Variants in F12 observed in about 807,000 individuals in gnomAD.
The protein encoded by F12 is Hageman factor.
Under a neutral mutation model 74.8 loss-of-function variants are expected in F12, and 70 were observed. That is an observed-to-expected ratio of 0.94 (90% CI 0.77 to 1.14). F12 has a LOEUF of 1.14. F12 is among the 50% of genes most tolerant of loss of function. The pLI, the probability that F12 is intolerant of heterozygous loss-of-function variation, is 0.00. For missense variants in F12, 811 were observed against 835.7 expected (o/e 0.97, Z 0.36); for synonymous variants, 373 against 356.4 (o/e 1.05, Z -0.52).
chr5:177,403,805 G>A, intron 10 of F12, 54 bp downstream of exon 10: 1 of 1,466,888 alleles, frequency 6.8e-7, no homozygotes, highest in South Asian at 1.3e-5. Flanking sequence ...AAGCTGCGCT[G>A]GGAGACGGAG....
rs749593480 is a variant in F12, at chr5:177,405,800, G to A, written c.221C>T (p.Ala74Val). ...GTCCTGATCAAAGTTGGGGGTGGTA[G>A]CACACCTGTAGAAAGAGACAAGGCT... ...KGRPGPQPWC[A>V]TTPNFDQDQR... Residue 74 changes from alanine (A) to valine (V), a missense_variant, in exon 4 of 14, where the codon GCT (alanine) becomes GTT (valine). Transcript: ENST00000253496. 1 of 1,614,152 alleles carries A rather than the reference G, an allele frequency of 6.2e-7. No individual in the cohort carries two copies. Among genetic ancestry groups the A allele is most frequent in the Non-Finnish European group, 8.5e-7 (1 of 1,180,030 alleles).
intron 12 of F12, 68 bp downstream of exon 12, chr5:177,403,186 G>A: frequency 6.3e-7 from 1 of 1,587,860 alleles, no homozygotes; most frequent in Non-Finnish European, 8.5e-7. Flanking sequence ...AAAGTCGCGG[G>A]CTTCTTCCGC....
intron 4 of F12, 52 bp from the exon 5 acceptor site, chr5:177,405,485 G>A (rs748587002): frequency 2.5e-5 from 39 of 1,544,420 alleles, no homozygotes; most frequent in Non-Finnish European, 3.5e-5. Flanking sequence ...TCACACAGCT[G>A]GGGGCCAAGG....
At position 177,405,410 on chromosome 5, in the gene F12, AG is replaced by A. The variant is rs778208227; in HGVS notation, c.309del (p.Cys104AlafsTer8). 1.2e-5 allele frequency: 20 copies of A among 1,613,810 alleles called. No homozygotes were observed. Among genetic ancestry groups the A allele is most frequent in the Non-Finnish European group, 1.5e-5 (18 of 1,179,958 alleles). ...TTCACACAGGTCCCTCCTTTCTGGC[AG>A]GGGCTGTGTTTGCTGCAGTGGTCTG... The part of the protein sequence containing the change: ...KVKDHCSKHS[P>X]CQKGGTCVNM... On this transcript the variant is annotated frameshift_variant, in exon 5 of 14. Transcript: ENST00000253496. LOFTEE classifies it high-confidence loss of function.
At chr5:177,406,862 G>C (rs1016241616) in intron 2 of F12, among the ~76,000 whole-genome samples, 1 of 152,248 alleles carries the variant, frequency 6.6e-6, no homozygotes, top group Non-Finnish European at 1.5e-5. Context: ...CACATTCCCA[G>C]TTAAGGTTCA....
In F12 at chr5:177,403,859, C is replaced by T. The variant is rs932430490; in HGVS notation, c.1250G>A (p.Arg417Gln). ...CGGCTCTGGGCGGGCGGGTACTCGCCGGTCCTGCAGGCAGTGAGCGGCCGT... is the reference window on the plus strand; with the variant it reads ...CGGCTCTGGGCGGGCGGGTACTCGCTGGTCCTGCAGGCAGTGAGCGGCCGT... ...VLTAAHCLQD[R>Q]PAPEDLTVVL... The change falls in exon 10 of 14, where the codon CGG (arginine) becomes CAG (glutamine). Residue 417 changes from arginine to glutamine, a missense_variant and splice_region_variant. Physicochemically the swap from Arg to Gln is conservative, Grantham distance 43 (BLOSUM62 1). Coordinates refer to ENST00000253496, the MANE Select transcript of F12 (RefSeq NM_000505.4). The T allele has an allele frequency of 3.3e-6, 5 of 1,532,360 alleles. No individual in the cohort carries two copies. The highest frequency in any genetic ancestry group is 4.4e-6 in the Non-Finnish European group (5 of 1,140,668). The allele number at this position is 1,532,360 out of a possible 1,614,324, so 94.9% of individuals were successfully genotyped here.
chr5:177,402,300 C>T lies in F12; in HGVS notation c.1840G>A (p.Val614Ile), dbSNP rs202087249. 5.0e-6 allele frequency: 8 copies of T among 1,613,712 alleles called. No individual in the cohort carries two copies. Among genetic ancestry groups the T allele is most frequent in the Non-Finnish European group, 6.8e-6 (8 of 1,179,974 alleles). The change falls in exon 14 of 14, where the codon GTT becomes ATT. Residue 614 changes from valine (V) to isoleucine (I), a missense_variant. By Grantham distance (29) the Val-to-Ile change is conservative. Coordinates refer to ENST00000253496, the MANE Select transcript of F12 (RefSeq NM_000505.4). ...GATGAGTCCCTGAGCAATCAGGAAA[C>T]GGTGTGCTCCCGGATCCAGGCCAGG... ...YYLAWIREHT[V>I]S
rs1302125741 is a variant in F12, at chr5:177,403,484, G to A, written c.1384C>T (p.Leu462=). ...AFSPVSYQHD[L]ALLRLQEDAD... Reference sequence around the variant, plus strand: ...CCCGCGGGGCGCCCCCACGCACCCAGGTCGTGCTGGTAGCTGACGGGCGAG... The same window carrying A: ...CCCGCGGGGCGCCCCCACGCACCCAAGTCGTGCTGGTAGCTGACGGGCGAG... Residue 462 remains leucine (L), a synonymous_variant, in exon 11 of 14, where the codon CTG becomes TTG. Transcript: ENST00000253496. 6.4e-7 allele frequency: 1 copy of A among 1,562,262 alleles called. No individual in the cohort carries two copies. The highest frequency in any genetic ancestry group is 1.4e-5 in the African/African-American group (1 of 73,960).
chr5:177,404,307 G>A lies in F12; in HGVS notation c.907C>T (p.Pro303Ser), dbSNP rs1408425832. The A allele has an allele frequency of 8.7e-6, 14 of 1,601,758 alleles. No homozygotes were observed. The highest frequency in any genetic ancestry group is 1.1e-5 in the Non-Finnish European group (13 of 1,173,720). Residue 303 changes from proline (P) to serine (S), a missense_variant, in exon 9 of 14, where the codon CCT becomes TCT. Pro to Ser is a moderately conservative substitution (Grantham distance 74). Transcript: ENST00000253496. Reference sequence around the variant, plus strand: ...AGCCTAGGGGACACCGGGGTCGGAGGCGCCGCCTGGGTTGGGGTCTGGCAC... The same window carrying A: ...AGCCTAGGGGACACCGGGGTCGGAGACGCCGCCTGGGTTGGGGTCTGGCAC... ...AQCQTPTQAA[P>S]PTPVSPRLHV...
In F12 at chr5:177,403,390, C is replaced by T; in HGVS notation, c.1395G>A (p.Leu465=). The part of the protein sequence containing the change: ...PVSYQHDLAL[L]RLQEDADGSC... ...TGCCGTCCGCATCCTCCTGAAGGCG[C>T]AACAGAGCTAACCCGGGCGGAGAGG... Residue 465 remains leucine (L), a synonymous_variant, in exon 12 of 14, where the codon TTG becomes TTA. Coordinates refer to ENST00000253496, the MANE Select transcript of F12 (RefSeq NM_000505.4). 1 of 1,596,980 alleles carries T rather than the reference C, an allele frequency of 6.3e-7. No homozygotes were observed. Among genetic ancestry groups the T allele is most frequent in the African/African-American group, 1.3e-5 (1 of 74,976 alleles).
In F12 at chr5:177,405,722, C is replaced by T; in HGVS notation, c.286+13G>A. On this transcript the variant is annotated intron_variant, in intron 4 of 13. Transcript: ENST00000253496. ...AGAGAGCCCCAGGCCACCCCAGAGG[C>T]TGTGTGTAGCACCTTTCACTTTCTT... 1 of 1,613,862 alleles carries T rather than the reference C, an allele frequency of 6.2e-7. No individual in the cohort carries two copies. The highest frequency in any genetic ancestry group is 8.5e-7 in the Non-Finnish European group (1 of 1,179,736).
rs368331778 is a variant in F12 at position 177,403,347 on chromosome 5, G to A, written c.1438C>T (p.Pro480Ser). The A allele has an allele frequency of 9.4e-6, 15 of 1,598,976 alleles. No homozygotes were observed. Among genetic ancestry groups the A allele is most frequent in the African/African-American group, 1.3e-5 (1 of 74,908 alleles). Reference protein sequence around the residue: ...DADGSCALLSPYVQPVCLPSG... With the variant: ...DADGSCALLSSYVQPVCLPSG... The stretch of plus-strand genomic sequence containing the variant: ...GGCAGGCACACCGGCTGAACGTAAG[G>A]CGACAGGAGCGCGCAGCTGCCGTCC... The change falls in exon 12 of 14, where the codon CCT (proline) becomes TCT (serine). Residue 480 changes from proline to serine, a missense_variant. Pro to Ser is a moderately conservative substitution (Grantham distance 74, BLOSUM62 -1). Transcript: ENST00000253496.
At position 177,402,300 on chromosome 5, in the gene F12, C is replaced by G; in HGVS notation, c.1840G>C (p.Val614Leu). The change falls in exon 14 of 14, where the codon GTT becomes CTT. Residue 614 changes from valine (V) to leucine (L), a missense_variant. Physicochemically the swap from Val to Leu is conservative, Grantham distance 32 (BLOSUM62 1). Transcript: ENST00000253496. Reference sequence around the variant, plus strand: ...GATGAGTCCCTGAGCAATCAGGAAACGGTGTGCTCCCGGATCCAGGCCAGG... The same window carrying G: ...GATGAGTCCCTGAGCAATCAGGAAAGGGTGTGCTCCCGGATCCAGGCCAGG... Reference protein sequence around the residue: ...YYLAWIREHTVS With the variant: ...YYLAWIREHTLS 6.2e-7 allele frequency: 1 copy of G among 1,613,712 alleles called. No individual in the cohort carries two copies. The highest frequency in any genetic ancestry group is 8.5e-7 in the Non-Finnish European group (1 of 1,179,974).
intron 2 of F12, 66 bp downstream of exon 2, chr5:177,408,980 C>T: frequency 6.8e-7 from 1 of 1,476,596 alleles, no homozygotes. Context: ...TGCCCTGAGA[C>T]TGCACACACT....
At chr5:177,404,122 C>T in intron 9 of F12, 32 bp from the exon 10 acceptor site, 1 of 1,590,214 alleles carries the variant, frequency 6.3e-7, no homozygotes, top group African/African-American at 1.3e-5. Context: ...GGACGGAGAG[C>T]CCGCGGCCGG....
In F12 at chr5:177,404,181, C is replaced by T. The variant is rs902415304; in HGVS notation, c.1018+15G>A. Reference sequence around the variant, plus strand: ...GCGCCCTCTCGGCTCCTCCTTCCCCCCCCCACTTCCTAACCTCCCGGGGTC... The same window carrying T: ...GCGCCCTCTCGGCTCCTCCTTCCCCTCCCCACTTCCTAACCTCCCGGGGTC... On this transcript the variant is annotated intron_variant, in intron 9 of 13. Transcript: ENST00000253496. 6.3e-7 allele frequency: 1 copy of T among 1,593,124 alleles called. No homozygotes were observed. Among genetic ancestry groups the T allele is most frequent in the Non-Finnish European group, 8.5e-7 (1 of 1,169,976 alleles).
rs1300207756 is a variant in F12 at position 177,402,463 on chromosome 5, G to C, written c.1681-4C>G. 1 of 1,604,252 alleles carries C rather than the reference G, an allele frequency of 6.2e-7. No homozygotes were observed. Among genetic ancestry groups the C allele is most frequent in the African/African-American group, 1.3e-5 (1 of 74,734 alleles). ...CCAGCGGGCCTCCGGAATCACCCTG[G>C]GTCGGAAACACGCAGCTCAGCGCTG... is the stretch of plus-strand genomic sequence containing the variant. On this transcript the variant is annotated splice_region_variant and splice_polypyrimidine_tract_variant and intron_variant, in intron 13 of 13. Transcript: ENST00000253496.
In F12 at chr5:177,402,656, G is replaced by A; in HGVS notation, c.1574C>T (p.Pro525Leu). Residue 525 changes from proline to leucine, a missense_variant, in exon 13 of 14, where the codon CCG (proline) becomes CTG (leucine). By Grantham distance (98) the Pro-to-Leu change is moderately conservative. Coordinates refer to ENST00000253496, the MANE Select transcript of F12 (RefSeq NM_000505.4). ...YASFLQEAQV[P>L]FLSLERCSAP... Reference sequence around the variant, plus strand: ...TGAGCAGCGCTCCAGGGAGAGGAACGGTACCTGCGCCTCCTGCAGGAAGCT... The same window carrying A: ...TGAGCAGCGCTCCAGGGAGAGGAACAGTACCTGCGCCTCCTGCAGGAAGCT... 2 of 1,612,772 alleles carry A rather than the reference G, an allele frequency of 1.2e-6. No homozygotes were observed. Among genetic ancestry groups the A allele is most frequent in the South Asian group, 1.1e-5 (1 of 91,056 alleles).
chr5:177,405,616 T>G, intron 4 of F12, 119 bp downstream of exon 4: 1 of 1,229,080 alleles, frequency 8.1e-7, no homozygotes, highest in Non-Finnish European at 1.2e-6. Flanking sequence ...CAAAGGGTAT[T>G]GTGGAGGGAG....
Sources: allele counts gnomAD v4.1 joint callset (sites outside exome capture counted in the v4.1 genomes callset), GRCh38; gene constraint gnomAD v4.1.1; transcripts MANE v1.5; gene names NCBI Gene and HGNC (gene_info 2026-07-23, HGNC 2026-07-21).